HPSE2: variants seen among roughly 807,000 people sequenced by gnomAD.
HPSE2 encodes heparanase 2 (inactive).
Under a neutral mutation model 60.5 loss-of-function variants are expected in HPSE2, and 38 were observed. The observed-to-expected ratio is 0.63, with a 90% confidence interval of 0.48 to 0.82. The LOEUF (loss-of-function observed/expected upper bound fraction) is 0.82, where lower values mean the gene tolerates loss of function less well. Among genes scored for constraint, HPSE2 ranks in the 40% least tolerant of loss-of-function variants. HPSE2 has a pLI of 0.00. For synonymous variants in HPSE2, 295 were observed against 293.2 expected (o/e 1.01, Z -0.06); for missense variants, 713 against 740.4 (o/e 0.96, Z 0.43).
intron 3 of HPSE2, among the ~76,000 whole-genome samples, chr10:99,033,491 A>C (rs1957542846): frequency 6.6e-6 from 1 of 152,068 alleles, no homozygotes; most frequent in African/African-American, 2.4e-5. Context: ...GCATTAAAAA[A>C]CCAGTAACAG....
At chr10:98,497,273 A>T (rs1024397970) in intron 9 of HPSE2, among the ~76,000 whole-genome samples, 4 of 152,186 alleles carry the variant, frequency 2.6e-5, no homozygotes, top group Non-Finnish European at 4.4e-5. Context: ...TTACAATGAA[A>T]TGACATTGAG....
At chr10:99,296,530 C>T in the HPSE2 span, among the ~76,000 whole-genome samples, 2 of 152,220 alleles carry the variant, frequency 1.3e-5, no homozygotes, top group Non-Finnish European at 2.9e-5. Context: ...TACTCTCTTG[C>T]CTACAGGGTA....
chr10:98,700,720 G>C (rs1415044489), intron 5 of HPSE2, among the ~76,000 whole-genome samples: 2 of 67,362 alleles, frequency 3.0e-5, no homozygotes, highest in Non-Finnish European at 4.2e-5. Flanking sequence ...CTACAAAATG[G>C]GAGAAAATTT....
intron 6 of HPSE2, among the ~76,000 whole-genome samples, chr10:98,663,195 A>G (rs1483297421): frequency 1.3e-5 from 2 of 152,162 alleles, no homozygotes; most frequent in African/African-American, 4.8e-5. Flanking sequence ...CCCTCATTCA[A>G]CAATCACTAC....
the HPSE2 span, among the ~76,000 whole-genome samples, chr10:99,272,946 C>T: frequency 6.6e-6 from 1 of 152,098 alleles, no homozygotes; most frequent in African/African-American, 2.4e-5. Context: ...GAAGTCATTA[C>T]TTGAAAAAGA....
chr10:98,600,261 C>T (rs1005583228), intron 9 of HPSE2, among the ~76,000 whole-genome samples: 1 of 152,146 alleles, frequency 6.6e-6, no homozygotes, highest in Non-Finnish European at 1.5e-5. Flanking sequence ...ATATATACTA[C>T]ATGCATAAAA....
At chr10:98,709,101 A>T (rs935890945) in intron 5 of HPSE2, among the ~76,000 whole-genome samples, 2 of 152,184 alleles carry the variant, frequency 1.3e-5, no homozygotes, top group African/African-American at 2.4e-5. Context: ...TCTTTGTTCA[A>T]ATCTAACATT....
intron 7 of HPSE2, among the ~76,000 whole-genome samples, chr10:98,629,308 A>C (rs541048227): frequency 7.9e-5 from 12 of 152,200 alleles, no homozygotes; most frequent in Non-Finnish European, 1.8e-4. Flanking sequence ...GTAGCTCTTT[A>C]AGTAACCCAA....
chr10:98,808,380 C>A (rs1021389409), intron 3 of HPSE2, among the ~76,000 whole-genome samples: 2 of 152,128 alleles, frequency 1.3e-5, no homozygotes, highest in African/African-American at 4.8e-5. Flanking sequence ...TTGTTCTGCT[C>A]TTATCCCAAC....
chr10:98,467,446 C>T (rs749611192), intron 11 of HPSE2, among the ~76,000 whole-genome samples: 2 of 151,964 alleles, frequency 1.3e-5, no homozygotes, highest in Non-Finnish European at 2.9e-5. Flanking sequence ...TGTGACCAGC[C>T]GCTTCTGGTC....
intron 3 of HPSE2, among the ~76,000 whole-genome samples, chr10:98,921,959 G>C (rs1402211633): frequency 1.3e-5 from 2 of 152,126 alleles, no homozygotes; most frequent in African/African-American, 4.8e-5. Flanking sequence ...CTAAGTCTCA[G>C]ATCTGCACTC....
At chr10:99,145,483 T>A (rs1846020876) in intron 2 of HPSE2, among the ~76,000 whole-genome samples, 1 of 151,292 alleles carries the variant, frequency 6.6e-6, no homozygotes. Context: ...AGAAGAAGAA[T>A]GCTTCCCAAT....
chr10:98,632,280 TTAA>T (rs1488312767), intron 7 of HPSE2, among the ~76,000 whole-genome samples: 2 of 152,166 alleles, frequency 1.3e-5, no homozygotes, highest in African/African-American at 2.4e-5. Context: ...TTTCTGTAAG[TTAA>T]TGATGCATTT....
At chr10:99,007,075 G>A (rs1034399742) in intron 3 of HPSE2, among the ~76,000 whole-genome samples, 2 of 152,144 alleles carry the variant, frequency 1.3e-5, no homozygotes, top group East Asian at 1.9e-4. Flanking sequence ...TGAAGCCTGG[G>A]ATTATTGACA....
In HPSE2 at chr10:99,126,373, A is replaced by G. The variant is rs905712970; in HGVS notation, c.610+17865T>C. ...CTGATGGTATTTCACTACCTGCCCT[A>G]GTAGCTGAACAGAAAAGACAGCTCA... On this transcript the variant is annotated intron_variant, in intron 3 of 11. Coordinates refer to ENST00000370552, the MANE Select transcript of HPSE2 (RefSeq NM_021828.5). The surrounding 1 kb of genome is among the most constrained non-coding windows in gnomAD (Gnocchi z 4.0). Among the ~76,000 whole-genome samples the G allele has an allele frequency of 4.6e-5, 6 of 129,840 alleles. No homozygotes were observed. The highest frequency in any genetic ancestry group is 7.2e-5 in the Non-Finnish European group (4 of 55,906). 85.2% of individuals were successfully genotyped at this position (129,840 alleles called of 152,430 possible).
intron 3 of HPSE2, among the ~76,000 whole-genome samples, chr10:99,097,770 G>A (rs145081145): frequency 6.6e-6 from 1 of 152,110 alleles, no homozygotes; most frequent in African/African-American, 2.4e-5. Flanking sequence ...CTACGAACTA[G>A]ATAGAAATTA....
rs3043546 is a variant in HPSE2, at chr10:98,879,852, C to CGTGTGTGTGTGT, written c.611-135808_611-135797dup. Among the ~76,000 whole-genome samples the CGTGTGTGTGTGT allele has an allele frequency of 4.1e-3, 591 of 145,764 alleles. 3 individuals are homozygous for CGTGTGTGTGTGT. The highest frequency in any genetic ancestry group is 0.017 in the South Asian group (78 of 4,476). ...GGAAACAACAGTTGGTGTGCATGTG[C>CGTGTGTGTGTGT]GTGTGTGTGTGTGTGTGTGTGTGTG... On this transcript the variant is annotated intron_variant, in intron 3 of 11. Coordinates refer to ENST00000370552, the MANE Select transcript of HPSE2 (RefSeq NM_021828.5).
intron 3 of HPSE2, among the ~76,000 whole-genome samples, chr10:99,105,845 T>G (rs1322421918): frequency 6.6e-6 from 1 of 152,098 alleles, no homozygotes; most frequent in Non-Finnish European, 1.5e-5. Context: ...AATCCGAATA[T>G]CCACTTGTCC....
intron 9 of HPSE2, among the ~76,000 whole-genome samples, chr10:98,494,811 A>G (rs1941775756): frequency 6.6e-6 from 1 of 152,218 alleles, no homozygotes; most frequent in African/African-American, 2.4e-5. Context: ...AACCAAAGTA[A>G]CAATAACACT....
Sources: allele counts gnomAD v4.1 joint callset (sites outside exome capture counted in the v4.1 genomes callset), GRCh38; gene constraint gnomAD v4.1.1; non-coding constraint Gnocchi (gnomAD v3.1); transcripts MANE v1.5; gene names NCBI Gene and HGNC (gene_info 2026-07-23, HGNC 2026-07-21).